Variants in FSTL5 observed in about 807,000 individuals in gnomAD.
FSTL5 encodes follistatin-related protein 5.
A neutral mutation model predicts 89.1 loss-of-function variants in FSTL5; 62 were observed. The ratio of observed to expected loss-of-function variants is 0.70; its 90% CI spans 0.57 to 0.86. The LOEUF is 0.86. FSTL5 is among the 40% of genes least tolerant of loss of function. The pLI, the probability that FSTL5 is intolerant of heterozygous loss-of-function variation, is 0.00. For missense variants in FSTL5, 1,057 were observed against 1,001.6 expected, an observed-to-expected ratio of 1.06 and a Z score of -0.75; for synonymous variants, 383 against 346.2, an observed-to-expected ratio of 1.11 and a Z score of -1.18.
Position 161,914,613 on chromosome 4 carries a change from T to C in FSTL5, c.409+5791A>G, listed in dbSNP as rs144652136. On this transcript the variant is annotated intron_variant, in intron 4 of 15. Coordinates refer to ENST00000306100, the MANE Select transcript of FSTL5 (RefSeq NM_020116.5). ...AATAACAAATATATTTCCAAACTCATTGTAGTTATTTTTTCTTTAAATATA... is the reference window on the plus strand; with the variant it reads ...AATAACAAATATATTTCCAAACTCACTGTAGTTATTTTTTCTTTAAATATA... 7.1e-3 allele frequency among the ~76,000 whole-genome samples: 1,085 copies of C among 152,278 alleles called. 24 individuals are homozygous for C. The highest frequency in any genetic ancestry group is 7.2e-3 in the Non-Finnish European group (490 of 68,006).
chr4:161,561,610 A>G (rs4328864), intron 8 of FSTL5, among the ~76,000 whole-genome samples: 2 of 151,622 alleles, frequency 1.3e-5, no homozygotes, highest in African/African-American at 4.8e-5. Context: ...ATGGGGTAAA[A>G]ATTGTAGCTC....
At chr4:161,824,464 C>T (rs1450769567) in intron 4 of FSTL5, among the ~76,000 whole-genome samples, 2 of 152,022 alleles carry the variant, frequency 1.3e-5, no homozygotes, top group Middle Eastern at 3.2e-3. Context: ...CAGATTTGTT[C>T]TTTTTGCTTA....
At chr4:161,755,052 G>T (rs1205607284) in intron 6 of FSTL5, among the ~76,000 whole-genome samples, 3 of 151,994 alleles carry the variant, frequency 2.0e-5, no homozygotes, top group Admixed American at 6.6e-5. Context: ...CCTTACCAGA[G>T]AATTTGGTAT....
rs569352195 is a variant in FSTL5, at chr4:162,088,127, AAAT to A, written c.126+23141_126+23143del. On this transcript the variant is annotated intron_variant, in intron 2 of 15. Transcript: ENST00000306100. ...GTGAATTGCCCAAATTATGATATTT[AAAT>A]AATATGTGTGCCATTACAAGCAAGT... 1.4e-3 allele frequency among the ~76,000 whole-genome samples: 220 copies of A among 152,148 alleles called. 1 individual carries two copies. The highest frequency in any genetic ancestry group is 4.9e-3 in the African/African-American group (204 of 41,542).
chr4:161,727,426 GCAGA>G lies in FSTL5; in HGVS notation c.727+31981_727+31984del, dbSNP rs1739460882. On this transcript the variant is annotated intron_variant, in intron 6 of 15. Coordinates refer to ENST00000306100, the MANE Select transcript of FSTL5 (RefSeq NM_020116.5). Reference sequence around the variant, plus strand: ...ATCAGATATATTTCCATATTCCCAGGCAGACAGATATGATTCTGCTTCAGTAGTT... The same window carrying G: ...ATCAGATATATTTCCATATTCCCAGGCAGATATGATTCTGCTTCAGTAGTT... 2.6e-5 allele frequency among the ~76,000 whole-genome samples: 4 copies of G among 152,052 alleles called. No homozygotes were observed. The South Asian group carries it at 6.2e-4, about 24-fold the overall frequency.
intron 4 of FSTL5, among the ~76,000 whole-genome samples, chr4:161,832,419 C>T (rs1169220675): frequency 6.6e-6 from 1 of 152,090 alleles, no homozygotes; most frequent in Non-Finnish European, 1.5e-5. Context: ...AGGATTCCCT[C>T]TTTTTCTATT....
At chr4:161,561,421 G>A (rs1454663544) in intron 8 of FSTL5, among the ~76,000 whole-genome samples, 1 of 152,000 alleles carries the variant, frequency 6.6e-6, no homozygotes, top group Non-Finnish European at 1.5e-5. Context: ...GAAAGAGAGA[G>A]TAGATTAGTG....
intron 10 of FSTL5, among the ~76,000 whole-genome samples, chr4:161,518,203 C>G (rs1005011360): frequency 6.6e-6 from 1 of 152,128 alleles, no homozygotes; most frequent in Non-Finnish European, 1.5e-5. Context: ...GCTGCAGTGC[C>G]CAGCTTACAT....
chr4:161,746,073 A>G (rs945058957), intron 6 of FSTL5, among the ~76,000 whole-genome samples: 1 of 152,106 alleles, frequency 6.6e-6, no homozygotes, highest in Non-Finnish European at 1.5e-5. Flanking sequence ...ACCAAAATCT[A>G]TCCCATCACA....
At chr4:161,834,462 CAG>C (rs1285536899) in intron 4 of FSTL5, among the ~76,000 whole-genome samples, 6 of 152,026 alleles carry the variant, frequency 3.9e-5, no homozygotes, top group Non-Finnish European at 8.8e-5. Context: ...GGCGATTAGG[CAG>C]AAGAAGGAAA....
intron 15 of FSTL5, among the ~76,000 whole-genome samples, chr4:161,398,444 GTAAA>G (rs1240182769): frequency 6.6e-6 from 1 of 152,040 alleles, no homozygotes; most frequent in Non-Finnish European, 1.5e-5. Context: ...AATTGCTTCA[GTAAA>G]TAATCTGAGA....
chr4:161,469,788 C>A (rs1733873424), intron 13 of FSTL5, among the ~76,000 whole-genome samples: 1 of 151,962 alleles, frequency 6.6e-6, no homozygotes, highest in Non-Finnish European at 1.5e-5. Context: ...CAGGCGCCCA[C>A]CACCACGCCC....
At chr4:161,836,461 A>T (rs936101062) in intron 4 of FSTL5, among the ~76,000 whole-genome samples, 20 of 143,986 alleles carry the variant, frequency 1.4e-4, no homozygotes, top group East Asian at 2.0e-4. Flanking sequence ...TAACAATAAT[A>T]AAAAAAAAAA....
intron 10 of FSTL5, among the ~76,000 whole-genome samples, chr4:161,528,860 G>A (rs1731318732): frequency 7.0e-6 from 1 of 142,954 alleles, no homozygotes; most frequent in African/African-American, 2.5e-5. Flanking sequence ...ACGTTAGTAT[G>A]TACATATTTT....
At position 161,587,523 on chromosome 4, in the gene FSTL5, A is replaced by G. The variant is rs200371799; in HGVS notation, c.947T>C (p.Val316Ala). The G allele has an allele frequency of 5.6e-6, 9 of 1,611,902 alleles. No homozygotes were observed. The highest frequency in any genetic ancestry group is 2.2e-5 in the South Asian group (2 of 91,040). The part of the protein sequence containing the change: ...LYITKVTTTH[V>A]GNYTCYADGY... Reference sequence around the variant, plus strand: ...ATCTGCATAGCAGGTGTAATTGCCAACGTGAGTTGTGGTAACCTTAGTAAT... The same window carrying G: ...ATCTGCATAGCAGGTGTAATTGCCAGCGTGAGTTGTGGTAACCTTAGTAAT... The change falls in exon 8 of 16, where the codon GTT (valine) becomes GCT (alanine). Residue 316 changes from valine to alanine, a missense_variant. By Grantham distance (64) the Val-to-Ala change is moderately conservative. This residue lies in a region of FSTL5 where 980 missense variants were observed against 903.2 expected (regional missense o/e 1.08). Transcript: ENST00000306100.
At chr4:162,078,514 C>T (rs1167098030) in intron 2 of FSTL5, among the ~76,000 whole-genome samples, 1 of 151,772 alleles carries the variant, frequency 6.6e-6, no homozygotes, top group Admixed American at 6.6e-5. Context: ...GCCGTTCTCC[C>T]ATCTCCCAGA....
chr4:161,543,888 CA>C (rs1343862401), intron 8 of FSTL5, among the ~76,000 whole-genome samples: 1 of 151,774 alleles, frequency 6.6e-6, no homozygotes, highest in African/African-American at 2.4e-5. Context: ...CAAGCAACAA[CA>C]AAAACAAAAT....
rs149197146 is a variant in FSTL5 at position 161,776,922 on chromosome 4, G to A, written c.410-848C>T. ...ATTTTGAAATATACAATAAATTATC[G>A]TTAACTACAGTTCCCCTGTTTTCTT... On this transcript the variant is annotated intron_variant, in intron 4 of 15. Coordinates refer to ENST00000306100, the MANE Select transcript of FSTL5 (RefSeq NM_020116.5). 4.3e-4 allele frequency among the ~76,000 whole-genome samples: 65 copies of A among 151,514 alleles called. 2 individuals are homozygous for A. The East Asian group carries it at 0.011, about 24-fold the overall frequency.
intron 3 of FSTL5, among the ~76,000 whole-genome samples, chr4:162,019,855 T>A (rs978270334): frequency 6.7e-6 from 1 of 150,114 alleles, no homozygotes; most frequent in African/African-American, 2.4e-5. Context: ...TATTTACATA[T>A]AGAAGTATAT....
Sources: allele counts gnomAD v4.1 joint callset (sites outside exome capture counted in the v4.1 genomes callset), GRCh38; gene constraint gnomAD v4.1.1; regional missense constraint gnomAD v4.1.1; transcripts MANE v1.5; gene names NCBI Gene and HGNC (gene_info 2026-07-23, HGNC 2026-07-21).